CNTNAP5: variants seen among roughly 807,000 people sequenced by gnomAD.
CNTNAP5 encodes the protein contactin associated protein family member 5, also known as contactin-associated protein-like 5.
Under a neutral mutation model 150.2 loss-of-function variants are expected in CNTNAP5, and 72 were observed. The ratio of observed to expected loss-of-function variants is 0.48; its 90% CI spans 0.40 to 0.58. The LOEUF is 0.58. CNTNAP5 is among the 20% of genes least tolerant of loss of function. CNTNAP5 has a pLI of 0.00. For missense variants in CNTNAP5, 1,636 were observed against 1,626.2 expected, an observed-to-expected ratio of 1.01 and a Z score of -0.10; for synonymous variants, 672 against 619.8, an observed-to-expected ratio of 1.08 and a Z score of -1.25.
intron 21 of CNTNAP5, among the ~76,000 whole-genome samples, chr2:124,884,174 G>A (rs978371910): frequency 1.3e-5 from 2 of 151,946 alleles, no homozygotes; most frequent in Admixed American, 6.6e-5. Flanking sequence ...ATGTCTGTAT[G>A]CATGCACATG....
intron 3 of CNTNAP5, among the ~76,000 whole-genome samples, chr2:124,336,498 A>G (rs1386877659): frequency 1.4e-5 from 2 of 147,310 alleles, no homozygotes; most frequent in Non-Finnish European, 3.0e-5. Flanking sequence ...AACATTAGGT[A>G]TATCTCCTAA....
At chr2:124,439,749 C>T (rs1041314519) in intron 5 of CNTNAP5, among the ~76,000 whole-genome samples, 2 of 152,080 alleles carry the variant, frequency 1.3e-5, no homozygotes, top group African/African-American at 4.8e-5. Flanking sequence ...TGCGTATTGC[C>T]CAACAAAGTT....
At chr2:124,471,749 G>C (rs1163767146) in intron 6 of CNTNAP5, among the ~76,000 whole-genome samples, 1 of 151,960 alleles carries the variant, frequency 6.6e-6, no homozygotes, top group African/African-American at 2.4e-5. Flanking sequence ...TCCATATCTA[G>C]TTTTTTGACA....
chr2:124,524,455 A>G lies in CNTNAP5; in HGVS notation c.1477+3A>G, dbSNP rs376025705. ...TGGAAATAGCTACTATTTTGGAGGT[A>G]AATTCTCCAGTCTTTAAGAGGGAAA... On this transcript the variant is annotated splice_donor_region_variant and intron_variant, in intron 9 of 23. Transcript: ENST00000682447. 4.5e-5 allele frequency: 72 copies of G among 1,607,622 alleles called. No individual in the cohort carries two copies. The African/African-American group carries it at 9.0e-4, about 20-fold the overall frequency.
rs185649404 is a variant in CNTNAP5 at position 124,704,368 on chromosome 2, T to A, written c.2078-42861T>A. Among the ~76,000 whole-genome samples, 394 of 152,314 alleles carry A rather than the reference T, an allele frequency of 2.6e-3. 1 individual carries two copies. Among genetic ancestry groups the A allele is most frequent in the African/African-American group, 9.0e-3 (375 of 41,572 alleles). On this transcript the variant is annotated intron_variant, in intron 13 of 23. Coordinates refer to ENST00000682447, the MANE Select transcript of CNTNAP5 (RefSeq NM_001367498.1). The stretch of plus-strand genomic sequence containing the variant: ...CTTTTTTTTCTTTCTTCTGATTTTT[T>A]AAAAGAGATTAAACAAACATAATAA...
At chr2:124,889,400 A>G (rs149539949) in intron 21 of CNTNAP5, among the ~76,000 whole-genome samples, 257 of 152,032 alleles carry the variant, frequency 1.7e-3, no homozygotes, top group African/African-American at 6.0e-3. Flanking sequence ...CTTACATTTA[A>G]TCTTTAATCC....
chr2:124,390,065 C>T (rs1691070815), intron 3 of CNTNAP5, among the ~76,000 whole-genome samples: 1 of 152,048 alleles, frequency 6.6e-6, no homozygotes, highest in South Asian at 2.1e-4. Context: ...TCTCTTTCAG[C>T]TAAAAAATCT....
At chr2:124,903,177 A>T (rs571662824) in intron 22 of CNTNAP5, 77 bp downstream of exon 22, 1 of 946,168 alleles carries the variant, frequency 1.1e-6, no homozygotes. Flanking sequence ...TTCCAGATTA[A>T]AGAGTTGGCT....
At chr2:124,736,778 G>A (rs2105133181) in intron 13 of CNTNAP5, among the ~76,000 whole-genome samples, 1 of 152,194 alleles carries the variant, frequency 6.6e-6, no homozygotes, top group African/African-American at 2.4e-5. Context: ...GTCATCTATA[G>A]AAAATCTTTC....
chr2:124,869,569 T>C, intron 20 of CNTNAP5, 106 bp from the exon 21 acceptor site: 1 of 673,526 alleles, frequency 1.5e-6, no homozygotes, highest in Non-Finnish European at 2.7e-6. Flanking sequence ...CAGAGGGGGG[T>C]CTGCTATCTG....
intron 1 of CNTNAP5, among the ~76,000 whole-genome samples, chr2:124,154,508 T>C (rs1443554828): frequency 6.6e-6 from 1 of 152,132 alleles, no homozygotes; most frequent in East Asian, 1.9e-4. Flanking sequence ...GTTCACATTG[T>C]TCTTGGGTAG....
In CNTNAP5 at chr2:124,392,493, T is replaced by C. The variant is rs544324156; in HGVS notation, c.382-24950T>C. Among the ~76,000 whole-genome samples the C allele has an allele frequency of 3.0e-4, 45 of 152,060 alleles. 3 individuals are homozygous for C. In the South Asian group the frequency reaches 7.1e-3, roughly 24 times the overall value. ...TGAATGGAGACAGAGCTATAATGTA[T>C]TGTGGCAGCTTCATTGGGAATTAAG... On this transcript the variant is annotated intron_variant, in intron 3 of 23. Coordinates refer to ENST00000682447, the MANE Select transcript of CNTNAP5 (RefSeq NM_001367498.1).
chr2:124,735,215 C>T (rs953676229), intron 13 of CNTNAP5, among the ~76,000 whole-genome samples: 4 of 152,144 alleles, frequency 2.6e-5, no homozygotes, highest in South Asian at 2.1e-4. Flanking sequence ...AAAACATGTC[C>T]GTAAGACATC....
At chr2:124,565,354 T>C (rs529183644) in intron 11 of CNTNAP5, among the ~76,000 whole-genome samples, 7 of 152,286 alleles carry the variant, frequency 4.6e-5, no homozygotes, top group East Asian at 3.9e-4. Context: ...GGATTGTTCA[T>C]ACCACAAAGG....
chr2:124,756,354 T>C (rs903167494), intron 14 of CNTNAP5, among the ~76,000 whole-genome samples: 5 of 152,188 alleles, frequency 3.3e-5, no homozygotes, highest in African/African-American at 4.8e-5. Flanking sequence ...GAACACAGTG[T>C]GGCGATTCCT....
chr2:124,052,739 C>T (rs186796719), intron 1 of CNTNAP5, among the ~76,000 whole-genome samples: 21 of 152,290 alleles, frequency 1.4e-4, no homozygotes, highest in African/African-American at 4.8e-4. Context: ...CAAATAAGAA[C>T]CTAAGTAGCC....
intron 6 of CNTNAP5, among the ~76,000 whole-genome samples, chr2:124,456,254 C>T (rs1693116990): frequency 1.3e-5 from 2 of 152,156 alleles, no homozygotes; most frequent in Admixed American, 1.3e-4. Flanking sequence ...CTTCTGTACA[C>T]CAACAGCGAC....
intron 13 of CNTNAP5, among the ~76,000 whole-genome samples, chr2:124,700,072 G>T (rs1433350349): frequency 6.6e-6 from 1 of 152,000 alleles, no homozygotes; most frequent in East Asian, 1.9e-4. Context: ...TGTCTTTATG[G>T]ATTTGCCTAT....
intron 1 of CNTNAP5, among the ~76,000 whole-genome samples, chr2:124,145,616 G>T (rs1684220021): frequency 1.5e-5 from 1 of 67,704 alleles, no homozygotes; most frequent in East Asian, 4.0e-4. Flanking sequence ...GACACAGGAA[G>T]GGGAATATCA....
Sources: gnomAD v4.1 joint callset for allele counts (sites outside exome capture counted in the v4.1 genomes callset) on GRCh38, gnomAD v4.1.1 for gene constraint, MANE v1.5 for transcripts, NCBI Gene and HGNC (gene_info 2026-07-23, HGNC 2026-07-21) for gene names.